Variants in ZNF827 observed in about 807,000 individuals in gnomAD.
The protein encoded by ZNF827 is zinc finger protein 827.
ZNF827 carries 13 observed loss-of-function variants against 102.4 expected under a neutral mutation model. The observed-to-expected ratio is 0.13, with a 90% confidence interval of 0.08 to 0.20. The LOEUF (loss-of-function observed/expected upper bound fraction) is 0.20, where lower values mean the gene tolerates loss of function less well. Among genes scored for constraint, ZNF827 ranks in the 10% least tolerant of loss-of-function variants. ZNF827 has a pLI of 1.00. For missense variants in ZNF827, 1,103 were observed against 1,344.4 expected (o/e 0.82, Z 2.81); for synonymous variants, 523 against 536.2 (o/e 0.98, Z 0.34).
chr4:145,873,915 G>C (rs1257497732), intron 4 of ZNF827, among the ~76,000 whole-genome samples: 1 of 152,088 alleles, frequency 6.6e-6, no homozygotes, highest in Non-Finnish European at 1.5e-5. Flanking sequence ...GATTCTTTGA[G>C]GAAGAACAAT....
In ZNF827 at chr4:145,908,790, G is replaced by C. The variant is rs1353281309; in HGVS notation, c.44-5575C>G. Among the ~76,000 whole-genome samples the C allele has an allele frequency of 2.0e-5, 3 of 152,198 alleles. No homozygotes were observed. The East Asian group carries it at 5.8e-4, about 29-fold the overall frequency. ...CTGGCATAAAAGTTTCTAATCAACA[G>C]AAGAGTGAGGGTTTCACAAGCATTC... On this transcript the variant is annotated intron_variant, in intron 1 of 14. Coordinates refer to ENST00000508784, the MANE Select transcript of ZNF827 (RefSeq NM_001306215.2).
chr4:145,861,823 G>A (rs192896728), intron 5 of ZNF827, among the ~76,000 whole-genome samples: 234 of 152,264 alleles, frequency 1.5e-3, no homozygotes, highest in African/African-American at 5.2e-3. Context: ...TCCTGTCAGA[G>A]TTCTTGCCTG....
In ZNF827 at chr4:145,782,524, T is replaced by G. The variant is rs62345784; in HGVS notation, c.2384-3013A>C. 9.8e-3 allele frequency among the ~76,000 whole-genome samples: 1,486 copies of G among 152,364 alleles called. 8 individuals are homozygous for G. The highest frequency in any genetic ancestry group is 0.024 in the Middle Eastern group (7 of 294). Reference sequence around the variant, plus strand: ...CAGTCACCAGAAGCTGGTGATCTTATGCAGGTCTTTCTAGACCTCACTGCC... The same window carrying G: ...CAGTCACCAGAAGCTGGTGATCTTAGGCAGGTCTTTCTAGACCTCACTGCC... On this transcript the variant is annotated intron_variant, in intron 8 of 14. Transcript: ENST00000508784.
At chr4:145,806,861 T>C (rs991359360) in intron 8 of ZNF827, among the ~76,000 whole-genome samples, 1 of 152,202 alleles carries the variant, frequency 6.6e-6, no homozygotes, top group African/African-American at 2.4e-5. Context: ...CATTGAACAC[T>C]CTATTTTCAA....
intron 1 of ZNF827, among the ~76,000 whole-genome samples, chr4:145,934,428 T>A (rs1232959271): frequency 6.6e-6 from 1 of 152,222 alleles, no homozygotes; most frequent in Middle Eastern, 3.4e-3. Context: ...ACCTAAGGCT[T>A]AGGTTAGTAG....
intron 4 of ZNF827, 130 bp downstream of exon 4, chr4:145,885,548 G>A: frequency 7.7e-7 from 1 of 1,306,562 alleles, no homozygotes; most frequent in Non-Finnish European, 1.0e-6. Flanking sequence ...AATTTAAAGG[G>A]ACCTTGAAAT....
intron 1 of ZNF827, 130 bp from the exon 2 acceptor site, chr4:145,903,345 G>A (rs1311817184): frequency 7.0e-7 from 1 of 1,432,910 alleles, no homozygotes; most frequent in Non-Finnish European, 9.1e-7. Context: ...GGTGGCAACA[G>A]CCTTAACAGA....
Position 145,903,053 on chromosome 4 carries a change from G to T in ZNF827, c.206C>A (p.Thr69Asn). The change falls in exon 2 of 15, where the codon ACC becomes AAC. Residue 69 changes from threonine to asparagine, a missense_variant. Around this residue, in one of 5 missense-constraint regions of ZNF827, gnomAD observed 441 missense variants for 458.6 expected, o/e 0.96. Transcript: ENST00000508784. ...RIQEQSTSPDTSLGSTTPSSH... is the reference protein window; with the variant it reads ...RIQEQSTSPDNSLGSTTPSSH... ...GCTGGGAGTCGTGCTTCCCAAGGAG[G>T]TGTCCGGGGACGTGGACTGCTCCTG... 1 of 1,614,202 alleles carries T rather than the reference G, an allele frequency of 6.2e-7. No individual in the cohort carries two copies. The highest frequency in any genetic ancestry group is 8.5e-7 in the Non-Finnish European group (1 of 1,180,042).
intron 7 of ZNF827, among the ~76,000 whole-genome samples, chr4:145,824,004 G>C (rs1743419769): frequency 6.6e-6 from 1 of 152,186 alleles, no homozygotes; most frequent in Non-Finnish European, 1.5e-5. Context: ...TACACTGAAG[G>C]AAACATGTCA....
chr4:145,839,274 A>G (rs1745185079), intron 7 of ZNF827: 1 of 152,244 alleles, frequency 6.6e-6, no homozygotes, highest in Non-Finnish European at 1.5e-5. Context: ...AAGGAGCACA[A>G]TGCCAGGCCT....
At chr4:145,891,929 C>A (rs1750637682) in intron 3 of ZNF827, among the ~76,000 whole-genome samples, 1 of 152,230 alleles carries the variant, frequency 6.6e-6, no homozygotes, top group Non-Finnish European at 1.5e-5. Context: ...CCCAGCCCTG[C>A]CTCTGAGTGC....
chr4:145,836,285 T>G (rs1744827681), intron 7 of ZNF827, among the ~76,000 whole-genome samples: 1 of 151,744 alleles, frequency 6.6e-6, no homozygotes, highest in Non-Finnish European at 1.5e-5. Context: ...TTCCTAGGCA[T>G]GGTTAGCGCG....
intron 1 of ZNF827, among the ~76,000 whole-genome samples, chr4:145,936,682 G>A (rs1362473335): frequency 1.3e-5 from 2 of 152,094 alleles, no homozygotes; most frequent in African/African-American, 2.4e-5. Context: ...TTTCGCGAGG[G>A]GGAGATCGAT....
chr4:145,855,585 G>GC (rs11376412), intron 5 of ZNF827, among the ~76,000 whole-genome samples: 90,219 of 152,060 alleles, frequency 0.59, 27,423 homozygotes, highest in East Asian at 0.88. Context: ...TGCTCCCTTT[G>GC]CTTCTCTTTT....
Position 145,902,637 on chromosome 4 carries a change from G to A in ZNF827, c.622C>T (p.Pro208Ser). 1 of 1,614,072 alleles carries A rather than the reference G, an allele frequency of 6.2e-7. No homozygotes were observed. Among genetic ancestry groups the A allele is most frequent in the Non-Finnish European group, 8.5e-7 (1 of 1,180,020 alleles). Reference sequence around the variant, plus strand: ...TTCAGTTTTAGGATGGCTGAATCCGGAGACAAGCTGCAGGTGGTGGTTGAG... The same window carrying A: ...TTCAGTTTTAGGATGGCTGAATCCGAAGACAAGCTGCAGGTGGTGGTTGAG... ...PNSTTTCSLS[P>S]DSAILKLKAA... Residue 208 changes from proline to serine, a missense_variant, in exon 2 of 15, where the codon CCG becomes TCG. Around this residue, in one of 5 missense-constraint regions of ZNF827, gnomAD observed 441 missense variants for 458.6 expected, o/e 0.96. Coordinates refer to ENST00000508784, the MANE Select transcript of ZNF827 (RefSeq NM_001306215.2). The surrounding 1 kb of genome is among the most constrained non-coding windows in gnomAD (Gnocchi z 4.3).
chr4:145,894,489 A>C (rs1366705730), intron 2 of ZNF827, among the ~76,000 whole-genome samples: 1 of 152,226 alleles, frequency 6.6e-6, no homozygotes, highest in Non-Finnish European at 1.5e-5. Context: ...TCATGTATTT[A>C]CTGGGTCAAC....
intron 1 of ZNF827, among the ~76,000 whole-genome samples, chr4:145,924,869 C>G (rs1368945481): frequency 6.6e-6 from 1 of 152,174 alleles, no homozygotes; most frequent in Non-Finnish European, 1.5e-5. Flanking sequence ...CTTAGTGTCT[C>G]TCACATAAAT....
chr4:145,869,654 T>G (rs1748512746), intron 5 of ZNF827, among the ~76,000 whole-genome samples: 1 of 152,208 alleles, frequency 6.6e-6, no homozygotes, highest in Non-Finnish European at 1.5e-5. Flanking sequence ...TAAGCTATTT[T>G]CCCTACATTT....
chr4:145,854,823 C>T (rs1480400920), intron 5 of ZNF827, among the ~76,000 whole-genome samples: 1 of 152,330 alleles, frequency 6.6e-6, no homozygotes, highest in South Asian at 2.1e-4. Flanking sequence ...GTGGCACTCT[C>T]TCCCTCATCT....
Sources: gnomAD v4.1 joint callset for allele counts (sites outside exome capture counted in the v4.1 genomes callset) on GRCh38, gnomAD v4.1.1 for gene constraint, gnomAD v4.1.1 regional missense constraint, Gnocchi (gnomAD v3.1) non-coding constraint, MANE v1.5 for transcripts, NCBI Gene and HGNC (gene_info 2026-07-23, HGNC 2026-07-21) for gene names.